SCAF8: variants seen among roughly 807,000 people sequenced by gnomAD.
SCAF8 encodes the protein SR-related CTD associated factor 8.
Under a neutral mutation model 140.5 loss-of-function variants are expected in SCAF8, and 23 were observed. That is an observed-to-expected ratio of 0.16 (90% CI 0.12 to 0.23). SCAF8 has a LOEUF of 0.23. Ranked by LOEUF, SCAF8 falls within the 10% of genes least tolerant of loss-of-function variation. SCAF8 has a pLI of 1.00. For missense variants in SCAF8, 1,397 were observed against 1,555.7 expected (o/e 0.90, Z 1.72); for synonymous variants, 575 against 528.9 (o/e 1.09, Z -1.20).
Position 154,822,385 on chromosome 6 carries a change from C to G in SCAF8, c.1902C>G (p.Phe634Leu). ...TGGTCACAACCCAGGCAGAGGTTTT[C>G]CCTCCTCCTGTTGCTATGTTGCAGG... ...ETVVTTQAEV[F>L]PPPVAMLQIP... The change falls in exon 16 of 20, where the codon TTC becomes TTG. Residue 634 changes from phenylalanine (F) to leucine (L), a missense_variant. Physicochemically the swap from Phe to Leu is conservative, Grantham distance 22 (BLOSUM62 0). Around this residue, in one of 5 missense-constraint regions of SCAF8, gnomAD observed 930 missense variants for 874.6 expected, o/e 1.06. Transcript: ENST00000367178. 6.2e-7 allele frequency: 1 copy of G among 1,612,928 alleles called. No homozygotes were observed.
At chr6:154,781,618 C>T (rs1236850313) in intron 3 of SCAF8, among the ~76,000 whole-genome samples, 1 of 152,190 alleles carries the variant, frequency 6.6e-6, no homozygotes, top group Non-Finnish European at 1.5e-5. Context: ...CCAGAAGAGA[C>T]ATATGGTTTC....
intron 1 of SCAF8, among the ~76,000 whole-genome samples, chr6:154,763,675 C>A (rs1292785195): frequency 1.3e-5 from 2 of 151,762 alleles, no homozygotes; most frequent in African/African-American, 4.8e-5. Flanking sequence ...TAATGAGTTT[C>A]ATTTAATGCA....
chr6:154,766,995 C>A (rs1776593466), intron 1 of SCAF8, among the ~76,000 whole-genome samples: 2 of 152,180 alleles, frequency 1.3e-5, no homozygotes, highest in East Asian at 3.9e-4. Flanking sequence ...CGTTTGGGGA[C>A]ATGTAGACTA....
intron 3 of SCAF8, among the ~76,000 whole-genome samples, chr6:154,786,093 G>A (rs1394780084): frequency 2.0e-5 from 3 of 152,196 alleles, no homozygotes; most frequent in African/African-American, 2.4e-5. Context: ...AAAGCCGGCT[G>A]TGCAGGAGAC....
intron 12 of SCAF8, among the ~76,000 whole-genome samples, chr6:154,810,958 C>T (rs1200972734): frequency 6.6e-6 from 1 of 152,168 alleles, no homozygotes; most frequent in Non-Finnish European, 1.5e-5. Context: ...TAAATTCCCT[C>T]TGCCAGGGAG....
chr6:154,772,568 A>C (rs1027947778), intron 1 of SCAF8, among the ~76,000 whole-genome samples: 4 of 152,050 alleles, frequency 2.6e-5, no homozygotes, highest in African/African-American at 9.7e-5. Context: ...GTGTGCCTGT[A>C]GTCTCAGCTA....
intron 6 of SCAF8, among the ~76,000 whole-genome samples, chr6:154,797,252 G>GTTTTTTTTTTTTTTTTT (rs1777634325): frequency 6.6e-6 from 1 of 151,136 alleles, no homozygotes; most frequent in African/African-American, 2.4e-5. Context: ...GTTTATGCTT[G>GTTTTTTTTTTTTTTTTT]CTTTTTATTT....
At chr6:154,742,707 A>T (rs1195676969) in intron 1 of SCAF8, among the ~76,000 whole-genome samples, 1 of 149,560 alleles carries the variant, frequency 6.7e-6, no homozygotes, top group Non-Finnish European at 1.5e-5. Context: ...AATACCTATT[A>T]TAGGTCAGGA....
intron 1 of SCAF8, among the ~76,000 whole-genome samples, chr6:154,770,408 TCTCTCTCTCTCTC>T (rs1776712477): frequency 6.7e-6 from 1 of 149,752 alleles, no homozygotes; most frequent in Non-Finnish European, 1.5e-5. Flanking sequence ...TCTCTCTCTC[TCTCTCTCTCTCTC>T]TCTAGTTGAG....
Position 154,833,329 on chromosome 6 carries a change from G to T in SCAF8, c.3750G>T (p.Lys1250Asn). 6.2e-7 allele frequency: 1 copy of T among 1,613,958 alleles called. No individual in the cohort carries two copies. Among genetic ancestry groups the T allele is most frequent in the South Asian group, 1.1e-5 (1 of 91,074 alleles). ...LTSSNEINKE[K>N]SDTVADIESE... ...CTTCAAATGAAATAAACAAGGAGAA[G>T]AGTGACACAGTTGCTGATATAGAAA... Residue 1250 changes from lysine to asparagine, a missense_variant, in exon 20 of 20, where the codon AAG (lysine) becomes AAT (asparagine). This residue lies in a region of SCAF8 where 930 missense variants were observed against 874.6 expected (regional missense o/e 1.06). Coordinates refer to ENST00000367178, the MANE Select transcript of SCAF8 (RefSeq NM_014892.5).
intron 1 of SCAF8, among the ~76,000 whole-genome samples, chr6:154,763,494 T>G (rs766693688): frequency 2.0e-5 from 3 of 152,222 alleles, no homozygotes; most frequent in Non-Finnish European, 2.9e-5. Flanking sequence ...ATGTTGATGG[T>G]TCTCTGGGAT....
intron 18 of SCAF8, among the ~76,000 whole-genome samples, chr6:154,829,855 C>T (rs939815856): frequency 7.2e-5 from 11 of 152,062 alleles, no homozygotes; most frequent in Admixed American, 2.6e-4. Flanking sequence ...TGCAGTGAGC[C>T]GAGATCACGC....
intron 4 of SCAF8, among the ~76,000 whole-genome samples, chr6:154,792,391 T>G (rs1219107297): frequency 1.3e-5 from 2 of 152,222 alleles, no homozygotes; most frequent in Admixed American, 6.5e-5. Context: ...GATAAGGACT[T>G]TGTCCTACAA....
At chr6:154,814,165 T>C (rs1055461193) in intron 12 of SCAF8, among the ~76,000 whole-genome samples, 1 of 152,072 alleles carries the variant, frequency 6.6e-6, no homozygotes, top group African/African-American at 2.4e-5. Flanking sequence ...CTGCTAAAGA[T>C]ACAACAAAAA....
At chr6:154,784,138 TATATATATA>T (rs1777174195) in intron 3 of SCAF8, among the ~76,000 whole-genome samples, 1 of 86,462 alleles carries the variant, frequency 1.2e-5, no homozygotes, top group Non-Finnish European at 2.2e-5. Context: ...TATATATATA[TATATATATA>T]TATATATATA....
At chr6:154,803,228 A>C (rs1243286829) in intron 7 of SCAF8, among the ~76,000 whole-genome samples, 1 of 152,140 alleles carries the variant, frequency 6.6e-6, no homozygotes, top group Non-Finnish European at 1.5e-5. Context: ...ATATGGCCCT[A>C]GATGTTTTAT....
intron 15 of SCAF8, among the ~76,000 whole-genome samples, chr6:154,820,919 A>T (rs1056973581): frequency 6.6e-5 from 10 of 152,234 alleles, no homozygotes; most frequent in Admixed American, 3.3e-4. Context: ...CATTTGAAAA[A>T]GAACTGAAAT....
At chr6:154,741,566 C>T (rs1778568328) in intron 1 of SCAF8, among the ~76,000 whole-genome samples, 1 of 152,048 alleles carries the variant, frequency 6.6e-6, no homozygotes, top group African/African-American at 2.4e-5. Flanking sequence ...ACCACCACAC[C>T]CGGCTAATTT....
intron 1 of SCAF8, among the ~76,000 whole-genome samples, chr6:154,767,872 C>G (rs1349188596): frequency 6.6e-6 from 1 of 152,060 alleles, no homozygotes; most frequent in Admixed American, 6.6e-5. Flanking sequence ...TTAAGCCATA[C>G]TTCTTTCTAA....
Sources: gnomAD v4.1 joint callset for allele counts (sites outside exome capture counted in the v4.1 genomes callset) on GRCh38, gnomAD v4.1.1 for gene constraint, gnomAD v4.1.1 regional missense constraint, MANE v1.5 for transcripts, NCBI Gene and HGNC (gene_info 2026-07-23, HGNC 2026-07-21) for gene names.